The following KLHL22 variants were observed in gnomAD, a reference collection of about 807,000 sequenced individuals.
KLHL22 encodes kelch-like protein 22.
KLHL22 carries 18 observed loss-of-function variants against 60.7 expected under a neutral mutation model. The observed-to-expected ratio is 0.30, with a 90% CI of 0.20 to 0.44. The LOEUF is 0.44. KLHL22 is among the 20% of genes least tolerant of loss of function. KLHL22 has a pLI of 1.00. For synonymous variants in KLHL22, 355 were observed against 354.5 expected, an observed-to-expected ratio of 1.00 and a Z score of -0.01; for missense variants, 596 against 852.3, an observed-to-expected ratio of 0.70 and a Z score of 3.74.
intron 5 of KLHL22, among the ~76,000 whole-genome samples, chr22:20,449,296 G>A (rs12159159): frequency 0.035 from 5,322 of 152,114 alleles, 275 homozygotes; most frequent in African/African-American, 0.11. Context: ...TCCTGACCTC[G>A]TGATCCACCC....
chr22:20,450,835 C>T, intron 5 of KLHL22: 1 of 1,565,578 alleles, frequency 6.4e-7, no homozygotes, highest in Non-Finnish European at 8.8e-7. Context: ...AGATGCTGAG[C>T]CTTTCATCCA....
chr22:20,482,221 AC>A (rs1475974583), intron 2 of KLHL22: 2 of 152,334 alleles, frequency 1.3e-5, no homozygotes, highest in Admixed American at 6.5e-5. Flanking sequence ...TGCTCAAAAA[AC>A]TTTTTAACTG....
chr22:20,442,297 C>T lies in KLHL22; in HGVS notation c.1681G>A (p.Gly561Ser). 2 of 1,613,992 alleles carry T rather than the reference C, an allele frequency of 1.2e-6. No individual in the cohort carries two copies. Among genetic ancestry groups the T allele is most frequent in the Non-Finnish European group, 1.7e-6 (2 of 1,180,028 alleles). Residue 561 changes from glycine to serine, a missense_variant, in exon 7 of 7, where the codon GGC becomes AGC. Physicochemically the swap from Gly to Ser is moderately conservative, Grantham distance 56. Coordinates refer to ENST00000328879, the MANE Select transcript of KLHL22 (RefSeq NM_032775.4). ...TCCACATCGTAAATGTGCACGTAGC[C>T]TGTGCGGCTGCCGCGGTTGTGTGAG... ...GRSHNRGSRTGYVHIYDVEKD... is the reference protein window; with the variant it reads ...GRSHNRGSRTSYVHIYDVEKD...
intron 4 of KLHL22, among the ~76,000 whole-genome samples, chr22:20,459,277 GA>G (rs1262169001): frequency 3.3e-5 from 5 of 152,202 alleles, no homozygotes; most frequent in Non-Finnish European, 7.3e-5. Flanking sequence ...GCTGGTTAGT[GA>G]AAAGATCAGT....
intron 2 of KLHL22, among the ~76,000 whole-genome samples, chr22:20,476,381 G>A (rs920671190): frequency 6.6e-6 from 1 of 151,428 alleles, no homozygotes; most frequent in Non-Finnish European, 1.5e-5. Context: ...CCTGAGCAGG[G>A]TGTGGGTGCT....
chr22:20,462,086 C>A (rs1007502931), intron 4 of KLHL22, among the ~76,000 whole-genome samples: 1 of 149,770 alleles, frequency 6.7e-6, no homozygotes, highest in Admixed American at 6.7e-5. Context: ...CAGAAAACAG[C>A]GAGACTCCAT....
chr22:20,464,069 G>T (rs2053193680), intron 4 of KLHL22, among the ~76,000 whole-genome samples: 1 of 152,184 alleles, frequency 6.6e-6, no homozygotes, highest in Non-Finnish European at 1.5e-5. Context: ...AAGGTGGAGG[G>T]GTCCCTGGAA....
At chr22:20,483,814 C>G in intron 2 of KLHL22, 2 of 742,948 alleles carry the variant, frequency 2.7e-6, no homozygotes, top group South Asian at 2.7e-5. Flanking sequence ...AGGCTCCTCG[C>G]TCTGTCCAGG....
intron 2 of KLHL22, chr22:20,483,301 T>TG: frequency 1.4e-6 from 1 of 711,970 alleles, no homozygotes; most frequent in Non-Finnish European, 2.6e-6. Flanking sequence ...AGACCAGTAC[T>TG]TGTCCAGCTC....
At chr22:20,471,222 T>G in intron 3 of KLHL22, 128 bp downstream of exon 3, 1 of 858,830 alleles carries the variant, frequency 1.2e-6, no homozygotes. Flanking sequence ...ATGGCCTTCG[T>G]CACTGCTTGG....
At chr22:20,458,143 C>G in intron 4 of KLHL22, 143 bp from the exon 5 acceptor site, 1 of 809,774 alleles carries the variant, frequency 1.2e-6, no homozygotes. Context: ...CCAGTGCACA[C>G]CGATCTACAG....
Position 20,442,011 on chromosome 22 carries a change from G to A in KLHL22, c.*62C>T, listed in dbSNP as rs1295145935. ...GGAGTAAAGTGCTCTGGCCTAGGCT[G>A]CGTGGGTTTCACTGCCCTGCAGCCC... On this transcript the variant is annotated 3_prime_UTR_variant, in exon 7 of 7. Transcript: ENST00000328879. The A allele has an allele frequency of 1.4e-6, 2 of 1,477,768 alleles. No individual in the cohort carries two copies. The highest frequency in any genetic ancestry group is 2.5e-5 in the Admixed American group (1 of 40,670). 91.5% of individuals were successfully genotyped at this position (1,477,768 alleles called of 1,614,324 possible).
rs995370849 is a variant in KLHL22, at chr22:20,471,487, T to A, written c.256A>T (p.Met86Leu). Residue 86 changes from methionine (M) to leucine (L), a missense_variant, in exon 3 of 7, where the codon ATG becomes TTG. By Grantham distance (15) the Met-to-Leu change is conservative. Transcript: ENST00000328879. ...TGGATCAGGACCTCTTCCTGTTCCA[T>A]CTCCTTCAATCCCCCAGCAAACATT... ...RGMFAGGLKE[M>L]EQEEVLIHGV... 6.2e-7 allele frequency: 1 copy of A among 1,613,774 alleles called. No individual in the cohort carries two copies. The highest frequency in any genetic ancestry group is 8.5e-7 in the Non-Finnish European group (1 of 1,179,918).
chr22:20,449,229 T>C (rs531601715), intron 5 of KLHL22, among the ~76,000 whole-genome samples: 15 of 151,330 alleles, frequency 9.9e-5, no homozygotes, highest in Admixed American at 3.3e-4. Context: ...TCCAGCTAAT[T>C]TTTTGTATTT....
At chr22:20,451,165 G>A in intron 5 of KLHL22, 1 of 1,589,352 alleles carries the variant, frequency 6.3e-7, no homozygotes, top group South Asian at 1.1e-5. Context: ...GGAATGTCTA[G>A]ACTACACAGC....
At chr22:20,455,416 T>A (rs1367900343) in intron 5 of KLHL22, among the ~76,000 whole-genome samples, 1 of 152,136 alleles carries the variant, frequency 6.6e-6, no homozygotes, top group Non-Finnish European at 1.5e-5. Flanking sequence ...ATGCTTCCTC[T>A]CCTGCTCAGG....
chr22:20,479,372 A>G (rs981518256), intron 2 of KLHL22, among the ~76,000 whole-genome samples: 1 of 152,198 alleles, frequency 6.6e-6, no homozygotes, highest in African/African-American at 2.4e-5. Flanking sequence ...GATGACCACT[A>G]TAAAAAAACA....
intron 5 of KLHL22, among the ~76,000 whole-genome samples, chr22:20,454,497 T>C (rs747362423): frequency 6.6e-6 from 1 of 152,188 alleles, no homozygotes; most frequent in Non-Finnish European, 1.5e-5. Flanking sequence ...CTACTGTGCA[T>C]GTGGAGCTGC....
rs573806128 is a variant in KLHL22, at chr22:20,456,495, C to T, written c.1305+1313G>A. The T allele has an allele frequency of 2.6e-5, 4 of 152,322 alleles. No individual in the cohort carries two copies. In the East Asian group the frequency reaches 7.7e-4, roughly 29 times the overall value. The allele number at this position is 152,322 out of a possible 1,614,324, so 9.4% of individuals were successfully genotyped here. A position where few individuals can be genotyped will look rare whatever the true frequency, so the allele number is the denominator to read the frequency against. Reference sequence around the variant, plus strand: ...GCCGCAGACAAAGAAACTGCTAAGCCCCTCCCACAACACCCACCTAGGAGG... The same window carrying T: ...GCCGCAGACAAAGAAACTGCTAAGCTCCTCCCACAACACCCACCTAGGAGG... On this transcript the variant is annotated intron_variant, in intron 5 of 6. Transcript: ENST00000328879.
Sources: gnomAD v4.1 joint callset for allele counts (sites outside exome capture counted in the v4.1 genomes callset) on GRCh38, gnomAD v4.1.1 for gene constraint, MANE v1.5 for transcripts, NCBI Gene and HGNC (gene_info 2026-07-23, HGNC 2026-07-21) for gene names.